The following GPHN variants were observed in gnomAD, a reference collection of about 807,000 sequenced individuals.
GPHN encodes the protein gephyrin.
GPHN carries 17 observed loss-of-function variants against 95.5 expected under a neutral mutation model. The ratio of observed to expected loss-of-function variants is 0.18; its 90% confidence interval spans 0.12 to 0.27. The LOEUF is 0.27. Ranked by LOEUF, GPHN falls within the 10% of genes least tolerant of loss-of-function variation. The probability of loss-of-function intolerance (pLI) is 1.00; values close to 1 mark genes in which losing one functional copy is unlikely to be tolerated. For missense variants in GPHN, 660 were observed against 978.1 expected, an observed-to-expected ratio of 0.67 and a Z score of 4.34; for synonymous variants, 320 against 322.5, an observed-to-expected ratio of 0.99 and a Z score of 0.08.
chr14:67,024,113 A>T lies in GPHN; in HGVS notation c.1006+438A>T, dbSNP rs553125412. Among the ~76,000 whole-genome samples the T allele has an allele frequency of 5.3e-5, 8 of 152,334 alleles. No individual in the cohort carries two copies. The South Asian group carries it at 1.7e-3, about 32-fold the overall frequency. On this transcript the variant is annotated intron_variant, in intron 10 of 22. Coordinates refer to ENST00000478722, the MANE Select transcript of GPHN (RefSeq NM_020806.5). Reference sequence around the variant, plus strand: ...TGAATTCCTGACATATAATAACTTCACAGGCAGCATGTGTTAGAACATAGA... The same window carrying T: ...TGAATTCCTGACATATAATAACTTCTCAGGCAGCATGTGTTAGAACATAGA...
At chr14:67,626,193 G>A in the GPHN span, among the ~76,000 whole-genome samples, 26 of 152,208 alleles carry the variant, frequency 1.7e-4, no homozygotes, top group East Asian at 4.8e-3. Context: ...GGTGGAGGTT[G>A]CAGTGAGCAG....
At chr14:67,215,322 G>A in the GPHN span, among the ~76,000 whole-genome samples, 320 of 152,106 alleles carry the variant, frequency 2.1e-3, no homozygotes, top group African/African-American at 7.3e-3. Flanking sequence ...GGGAATTGCT[G>A]TTATCACCTA....
At chr14:66,825,027 C>A (rs1371983835) in intron 4 of GPHN, among the ~76,000 whole-genome samples, 1 of 152,048 alleles carries the variant, frequency 6.6e-6, no homozygotes, top group Non-Finnish European at 1.5e-5. Context: ...TTCCACAATT[C>A]TAAATGTGAA....
the GPHN span, chr14:67,395,666 G>T: frequency 2.7e-6 from 3 of 1,111,002 alleles, no homozygotes; most frequent in East Asian, 4.7e-5. Context: ...GGCCCCGGGA[G>T]AATCTAGGTG....
intron 2 of GPHN, among the ~76,000 whole-genome samples, chr14:66,728,318 G>T (rs1034210993): frequency 6.6e-6 from 1 of 152,174 alleles, no homozygotes; most frequent in Non-Finnish European, 1.5e-5. Context: ...CCCACACAGA[G>T]TCCCTACTGG....
the GPHN span, among the ~76,000 whole-genome samples, chr14:67,347,789 C>T: frequency 6.6e-6 from 1 of 152,100 alleles, no homozygotes; most frequent in Non-Finnish European, 1.5e-5. Flanking sequence ...TATGAGCCAC[C>T]GCGCCTGGCC....
chr14:67,108,254 C>T (rs1167362569), intron 13 of GPHN, among the ~76,000 whole-genome samples: 2 of 152,134 alleles, frequency 1.3e-5, no homozygotes, highest in Admixed American at 6.5e-5. Context: ...GAGAGATGCC[C>T]TAACCATCAC....
chr14:67,238,517 G>A, the GPHN span, among the ~76,000 whole-genome samples: 6 of 151,922 alleles, frequency 3.9e-5, no homozygotes, highest in Admixed American at 1.3e-4. Context: ...CAATCCTCCC[G>A]CTTTGGCATC....
At chr14:67,175,829 T>A (rs1462421554) in intron 21 of GPHN, among the ~76,000 whole-genome samples, 3 of 152,216 alleles carry the variant, frequency 2.0e-5, no homozygotes, top group Non-Finnish European at 1.5e-5. Flanking sequence ...TATTTTATTC[T>A]ATTTGTATCA....
chr14:66,509,612 T>C (rs2057956460), intron 1 of GPHN, among the ~76,000 whole-genome samples: 1 of 152,134 alleles, frequency 6.6e-6, no homozygotes, highest in South Asian at 2.1e-4. Context: ...TTATGTGTAA[T>C]TGAGTGGCGA....
At chr14:67,566,109 C>T in the GPHN span, among the ~76,000 whole-genome samples, 1 of 152,180 alleles carries the variant, frequency 6.6e-6, no homozygotes, top group East Asian at 1.9e-4. Flanking sequence ...ACAGAGGAGA[C>T]GATCTCCAAA....
chr14:67,647,369 T>G, the GPHN span: 1 of 197,142 alleles, frequency 5.1e-6, no homozygotes, highest in East Asian at 1.3e-4. Context: ...TAAGCAAATC[T>G]TGGCAGTGTA....
chr14:66,567,908 G>A (rs1361635505), intron 1 of GPHN, among the ~76,000 whole-genome samples: 1 of 152,060 alleles, frequency 6.6e-6, no homozygotes, highest in Non-Finnish European at 1.5e-5. Context: ...TGCCATTAAC[G>A]AGCTCAAGTT....
chr14:67,266,337 A>G, the GPHN span, among the ~76,000 whole-genome samples: 5 of 151,046 alleles, frequency 3.3e-5, no homozygotes, highest in Admixed American at 1.3e-4. Flanking sequence ...AAATATTTCA[A>G]TTTTTTTTTG....
the GPHN span, chr14:67,724,571 C>T: frequency 3.7e-6 from 6 of 1,613,332 alleles, no homozygotes; most frequent in Non-Finnish European, 4.2e-6. Flanking sequence ...AAGGAGACGG[C>T]CAGAGAGCTC....
chr14:67,394,370 C>T, the GPHN span, among the ~76,000 whole-genome samples: 2 of 151,882 alleles, frequency 1.3e-5, no homozygotes, highest in East Asian at 1.9e-4. Flanking sequence ...CACTCCAGCC[C>T]GGGCAACTGA....
intron 8 of GPHN, among the ~76,000 whole-genome samples, chr14:66,949,521 C>T (rs755097698): frequency 6.6e-6 from 1 of 152,170 alleles, no homozygotes; most frequent in Non-Finnish European, 1.5e-5. Context: ...AAAGGGTGCA[C>T]ATTTTGGACT....
the GPHN span, chr14:67,569,998 AC>A: frequency 6.3e-7 from 1 of 1,598,966 alleles, no homozygotes. Flanking sequence ...GCCTGTCTAC[AC>A]AGCACTGAAG....
At chr14:66,509,961 A>T (rs997870718) in intron 1 of GPHN, among the ~76,000 whole-genome samples, 2 of 152,166 alleles carry the variant, frequency 1.3e-5, no homozygotes, top group African/African-American at 4.8e-5. Flanking sequence ...TAAGTAAAGG[A>T]TTGCCTTTCC....
Sources: gnomAD v4.1 joint callset for allele counts (sites outside exome capture counted in the v4.1 genomes callset) on GRCh38, gnomAD v4.1.1 for gene constraint, MANE v1.5 for transcripts, NCBI Gene and HGNC (gene_info 2026-07-23, HGNC 2026-07-21) for gene names.